The following THSD7B variants were observed in gnomAD, a reference collection of about 807,000 sequenced individuals.
THSD7B encodes thrombospondin type 1 domain containing 7B.
In THSD7B, 138 loss-of-function variants were observed where a neutral mutation model predicts 213.6. That is an observed-to-expected ratio of 0.65 (90% CI 0.56 to 0.74). THSD7B has a LOEUF of 0.74. Ranked by LOEUF, THSD7B falls within the 30% of genes least tolerant of loss-of-function variation. THSD7B has a pLI of 0.00. For missense variants in THSD7B, 1,931 were observed against 1,991.5 expected (o/e 0.97, Z 0.58); for synonymous variants, 742 against 687.0 (o/e 1.08, Z -1.25).
At chr2:137,457,245 G>T (rs552837852) in intron 15 of THSD7B, among the ~76,000 whole-genome samples, 1 of 152,172 alleles carries the variant, frequency 6.6e-6, no homozygotes, top group Admixed American at 6.5e-5. Context: ...TGTATCTGTT[G>T]TCCATGTAGT....
chr2:137,230,838 A>G (rs1363386925), intron 7 of THSD7B, among the ~76,000 whole-genome samples: 1 of 152,230 alleles, frequency 6.6e-6, no homozygotes, highest in Non-Finnish European at 1.5e-5. Flanking sequence ...CTTTGTCTCT[A>G]TGAAAGATTA....
At chr2:137,146,371 T>C (rs542046043) in intron 5 of THSD7B, among the ~76,000 whole-genome samples, 1 of 152,230 alleles carries the variant, frequency 6.6e-6, no homozygotes, top group East Asian at 1.9e-4. Context: ...ATCCTTAATC[T>C]GGAAGAGTCT....
intron 17 of THSD7B, among the ~76,000 whole-genome samples, chr2:137,600,752 A>G (rs1290770547): frequency 6.6e-6 from 1 of 152,154 alleles, no homozygotes; most frequent in Admixed American, 6.5e-5. Flanking sequence ...AACAAAACAA[A>G]AAAACAAAAT....
chr2:137,319,902 T>A (rs1684225332), intron 12 of THSD7B, among the ~76,000 whole-genome samples: 1 of 152,206 alleles, frequency 6.6e-6, no homozygotes, highest in South Asian at 2.1e-4. Context: ...TAAATGTTGC[T>A]GATTTGGCTT....
chr2:137,446,852 G>T (rs1687551731), intron 14 of THSD7B, among the ~76,000 whole-genome samples: 3 of 152,064 alleles, frequency 2.0e-5, no homozygotes, highest in South Asian at 2.1e-4. Context: ...TTATGGAAAT[G>T]AGTTTCTTAA....
intron 2 of THSD7B, among the ~76,000 whole-genome samples, chr2:136,890,425 TTC>T (rs1558840106): frequency 0.062 from 219 of 3,552 alleles, 66 homozygotes; most frequent in South Asian, 0.14. Flanking sequence ...CTTCTTCTTC[TTC>T]TTCTTCTTCT....
intron 15 of THSD7B, among the ~76,000 whole-genome samples, chr2:137,526,444 G>C (rs899350434): frequency 6.6e-6 from 1 of 151,936 alleles, no homozygotes; most frequent in East Asian, 1.9e-4. Context: ...GTTTTTGAGA[G>C]AGAATCTCGC....
At chr2:136,980,311 A>C (rs948210292) in intron 2 of THSD7B, among the ~76,000 whole-genome samples, 47 of 152,250 alleles carry the variant, frequency 3.1e-4, no homozygotes, top group African/African-American at 1.1e-3. Context: ...GCTGGGGGGA[A>C]TCTTGGCTAG....
rs201141461 is a variant in THSD7B at position 137,151,650 on chromosome 2, AAG to A, written c.1370-8562_1370-8561del. Reference sequence around the variant, plus strand: ...AGAAGGAGTACACTCTAACAATAAAAAGTATAGTATAGTAAATGTACAAACCA... The same window carrying A: ...AGAAGGAGTACACTCTAACAATAAAATATAGTATAGTAAATGTACAAACCA... On this transcript the variant is annotated intron_variant, in intron 5 of 27. Transcript: ENST00000409968. Among the ~76,000 whole-genome samples, 933 of 152,310 alleles carry A rather than the reference AAG, an allele frequency of 6.1e-3. 9 individuals carry two copies. The highest frequency in any genetic ancestry group is 6.3e-3 in the Non-Finnish European group (430 of 68,032).
intron 17 of THSD7B, among the ~76,000 whole-genome samples, chr2:137,610,360 A>G (rs964908904): frequency 2.6e-5 from 4 of 152,128 alleles, no homozygotes; most frequent in Admixed American, 2.6e-4. Flanking sequence ...TATTGAGAGT[A>G]TCCATGGAAG....
chr2:137,418,611 C>G (rs1686850422), intron 14 of THSD7B, among the ~76,000 whole-genome samples: 1 of 152,166 alleles, frequency 6.6e-6, no homozygotes, highest in Non-Finnish European at 1.5e-5. Flanking sequence ...ACTAGAGTCA[C>G]TCTACTGATC....
At chr2:136,893,639 A>G (rs182924500) in intron 2 of THSD7B, among the ~76,000 whole-genome samples, 2 of 152,322 alleles carry the variant, frequency 1.3e-5, no homozygotes, top group East Asian at 3.9e-4. Flanking sequence ...CTTAGATGCC[A>G]TAAACCACAG....
At chr2:137,297,445 T>G (rs936068644) in intron 12 of THSD7B, among the ~76,000 whole-genome samples, 3 of 151,930 alleles carry the variant, frequency 2.0e-5, no homozygotes, top group Non-Finnish European at 4.4e-5. Flanking sequence ...CTTTCTTTTT[T>G]TAAGCTGCAA....
chr2:136,990,944 C>A, intron 2 of THSD7B: 1 of 1,337,698 alleles, frequency 7.5e-7, no homozygotes, highest in Non-Finnish European at 9.9e-7. Context: ...GCAGGTAAAT[C>A]AGAAGAATCA....
chr2:137,479,193 A>G (rs1688251868), intron 15 of THSD7B, among the ~76,000 whole-genome samples: 1 of 152,150 alleles, frequency 6.6e-6, no homozygotes, highest in Non-Finnish European at 1.5e-5. Context: ...TGGTGGCTGC[A>G]ATGGGCTAGC....
intron 1 of THSD7B, among the ~76,000 whole-genome samples, chr2:136,799,641 A>G (rs1682139344): frequency 1.3e-5 from 2 of 151,974 alleles, no homozygotes; most frequent in African/African-American, 4.8e-5. Flanking sequence ...ACACAGACAC[A>G]CATCCAAAAA....
At chr2:137,265,925 T>C (rs1682578175) in intron 10 of THSD7B, among the ~76,000 whole-genome samples, 1 of 152,184 alleles carries the variant, frequency 6.6e-6, no homozygotes, top group African/African-American at 2.4e-5. Context: ...TCTCCAATAA[T>C]ATGAGAACAT....
At chr2:137,479,858 T>A (rs1558810125) in intron 15 of THSD7B, among the ~76,000 whole-genome samples, 1 of 152,156 alleles carries the variant, frequency 6.6e-6, no homozygotes, top group Non-Finnish European at 1.5e-5. Flanking sequence ...CAGAGTTTTG[T>A]GGGACTCAGC....
chr2:137,450,899 A>G lies in THSD7B; in HGVS notation c.3014A>G (p.Asp1005Gly), dbSNP rs1304409971. Reference protein sequence around the residue: ...IPCPFDCKLSDWSSWGSCSSS... With the variant: ...IPCPFDCKLSGWSSWGSCSSS... ...TGCCCATTTGATTGCAAGTTAAGCG[A>G]TTGGTCTAGTTGGGGGTCTTGCAGT... Residue 1005 changes from aspartate to glycine, a missense_variant, in exon 15 of 28, where the codon GAT becomes GGT. Coordinates refer to ENST00000409968, the MANE Select transcript of THSD7B (RefSeq NM_001316349.2). 1 of 1,612,510 alleles carries G rather than the reference A, an allele frequency of 6.2e-7. No homozygotes were observed. Among genetic ancestry groups the G allele is most frequent in the Non-Finnish European group, 8.5e-7 (1 of 1,179,320 alleles).
Sources: gnomAD v4.1 joint callset for allele counts (sites outside exome capture counted in the v4.1 genomes callset) on GRCh38, gnomAD v4.1.1 for gene constraint, MANE v1.5 for transcripts, NCBI Gene and HGNC (gene_info 2026-07-23, HGNC 2026-07-21) for gene names.